The following DLGAP2 variants were observed in gnomAD, a reference collection of about 807,000 sequenced individuals.
The protein encoded by DLGAP2 is DLG associated protein 2, also known as disks large-associated protein 2.
A neutral mutation model predicts 100.3 loss-of-function variants in DLGAP2; 26 were observed. The ratio of observed to expected loss-of-function variants is 0.26; its 90% confidence interval spans 0.19 to 0.36. The LOEUF is 0.36. Ranked by LOEUF, DLGAP2 falls within the 10% of genes least tolerant of loss-of-function variation. The pLI, the probability that DLGAP2 is intolerant of heterozygous loss-of-function variation, is 1.00. For synonymous variants in DLGAP2, 886 were observed against 630.1 expected, an observed-to-expected ratio of 1.41 and a Z score of -6.08; for missense variants, 1,858 against 1,453.2, an observed-to-expected ratio of 1.28 and a Z score of -4.53.
At chr8:1,195,740 C>T (rs1323471559) in intron 2 of DLGAP2, among the ~76,000 whole-genome samples, 1 of 152,166 alleles carries the variant, frequency 6.6e-6, no homozygotes, top group East Asian at 1.9e-4. Flanking sequence ...ATTTTAGTTA[C>T]ACAGATAATC....
chr8:1,093,788 G>C (rs1563187835), intron 2 of DLGAP2, among the ~76,000 whole-genome samples: 1 of 152,250 alleles, frequency 6.6e-6, no homozygotes, highest in Non-Finnish European at 1.5e-5. Flanking sequence ...GTGAATACAC[G>C]ACATCAGCCA....
At chr8:1,107,529 G>C (rs57681233) in intron 2 of DLGAP2, among the ~76,000 whole-genome samples, 1 of 152,184 alleles carries the variant, frequency 6.6e-6, no homozygotes. Context: ...AGGGCCCCTC[G>C]CGTGGGAAGC....
At chr8:1,454,554 C>T (rs765461234) in intron 3 of DLGAP2, among the ~76,000 whole-genome samples, 3 of 152,130 alleles carry the variant, frequency 2.0e-5, no homozygotes, top group Non-Finnish European at 4.4e-5. Context: ...GGGTTGAAAT[C>T]GACCAATGTG....
intron 3 of DLGAP2, among the ~76,000 whole-genome samples, chr8:1,261,544 C>T (rs1799350137): frequency 7.8e-6 from 1 of 127,460 alleles, no homozygotes; most frequent in African/African-American, 3.1e-5. Context: ...GGGGGCTCTC[C>T]AGCCGAGGGT....
chr8:829,814 C>T (rs1796748694), intron 1 of DLGAP2, among the ~76,000 whole-genome samples: 1 of 152,148 alleles, frequency 6.6e-6, no homozygotes, highest in African/African-American at 2.4e-5. Context: ...ATTATAATAA[C>T]TGCAGTATAT....
intron 4 of DLGAP2, among the ~76,000 whole-genome samples, chr8:1,509,223 C>T (rs918366330): frequency 3.3e-5 from 5 of 151,368 alleles, no homozygotes; most frequent in Non-Finnish European, 7.4e-5. Context: ...CCCAGCTACT[C>T]GAGAGGCTGA....
At chr8:1,005,653 C>A (rs1009425991) in intron 2 of DLGAP2, among the ~76,000 whole-genome samples, 1 of 150,692 alleles carries the variant, frequency 6.6e-6, no homozygotes, top group Admixed American at 6.6e-5. Context: ...TTCCTAGGTT[C>A]AAGTGATTCT....
At chr8:1,573,528 G>T (rs73671228) in intron 6 of DLGAP2, among the ~76,000 whole-genome samples, 2 of 152,066 alleles carry the variant, frequency 1.3e-5, no homozygotes, top group African/African-American at 4.8e-5. Flanking sequence ...ACTGCCATCC[G>T]TGGGTTTCAC....
At chr8:1,479,432 G>T (rs1799028257) in intron 3 of DLGAP2, among the ~76,000 whole-genome samples, 1 of 152,168 alleles carries the variant, frequency 6.6e-6, no homozygotes, top group Non-Finnish European at 1.5e-5. Context: ...TACTGCCAAG[G>T]TGAGAAAACA....
At chr8:905,180 C>T (rs541530305) in intron 1 of DLGAP2, among the ~76,000 whole-genome samples, 10 of 152,138 alleles carry the variant, frequency 6.6e-5, no homozygotes, top group Non-Finnish European at 7.4e-5. Flanking sequence ...AGCTACCTGG[C>T]GGGTTCAAGG....
intron 2 of DLGAP2, chr8:1,018,908 G>T (rs1420404644): frequency 6.6e-6 from 1 of 152,116 alleles, no homozygotes; most frequent in Non-Finnish European, 1.5e-5. Flanking sequence ...GGCTGAAACG[G>T]CAGTTGCTCA....
chr8:1,290,439 T>C (rs2116969031), intron 3 of DLGAP2, among the ~76,000 whole-genome samples: 1 of 152,342 alleles, frequency 6.6e-6, no homozygotes, highest in East Asian at 1.9e-4. Flanking sequence ...TCCACGAGAC[T>C]GTTGACCAGA....
At position 1,161,936 on chromosome 8, in the gene DLGAP2, G is replaced by A. The variant is rs930085416; in HGVS notation, c.74-96915G>A. 6.6e-5 allele frequency among the ~76,000 whole-genome samples: 10 copies of A among 152,356 alleles called. No homozygotes were observed. The East Asian group carries it at 1.5e-3, about 24-fold the overall frequency. ...GGCTTTAGGTATAGAGAGGAGATCC[G>A]TGTGCCAAGTCAGGGGTGCGTCAGA... On this transcript the variant is annotated intron_variant, in intron 2 of 14. Coordinates refer to ENST00000637795, the MANE Select transcript of DLGAP2 (RefSeq NM_001346810.2).
At chr8:1,164,201 G>GT (rs1554494647) in intron 2 of DLGAP2, among the ~76,000 whole-genome samples, 2 of 22,868 alleles carry the variant, frequency 8.7e-5, no homozygotes, top group African/African-American at 2.4e-4. Context: ...TTTTCTGTGA[G>GT]CCCCCAGGGC....
intron 6 of DLGAP2, among the ~76,000 whole-genome samples, chr8:1,589,510 C>A (rs542831799): frequency 2.0e-5 from 3 of 152,138 alleles, no homozygotes; most frequent in Non-Finnish European, 1.5e-5. Context: ...GATCACAGCT[C>A]CCTGCAGCCT....
At chr8:1,050,005 T>C (rs1802630116) in intron 2 of DLGAP2, among the ~76,000 whole-genome samples, 1 of 152,160 alleles carries the variant, frequency 6.6e-6, no homozygotes, top group Admixed American at 6.5e-5. Flanking sequence ...GGCAGGCACA[T>C]GCATATGTAC....
chr8:1,200,569 C>A (rs989143184), intron 2 of DLGAP2, among the ~76,000 whole-genome samples: 3 of 152,296 alleles, frequency 2.0e-5, no homozygotes, highest in African/African-American at 7.2e-5. Context: ...CCGGAAAGAG[C>A]CTCCCGCCTG....
chr8:1,082,026 T>C (rs756587544), intron 2 of DLGAP2, among the ~76,000 whole-genome samples: 7 of 152,140 alleles, frequency 4.6e-5, no homozygotes, highest in Admixed American at 2.0e-4. Context: ...GTTCTGAAAA[T>C]GGCAGAGCCC....
intron 1 of DLGAP2, among the ~76,000 whole-genome samples, chr8:745,721 TA>T (rs1218012647): frequency 2.0e-5 from 3 of 152,190 alleles, no homozygotes; most frequent in African/African-American, 7.2e-5. Context: ...AGCAATGTTA[TA>T]AAAAATACAC....
Sources: gnomAD v4.1 joint callset for allele counts (sites outside exome capture counted in the v4.1 genomes callset) on GRCh38, gnomAD v4.1.1 for gene constraint, MANE v1.5 for transcripts, NCBI Gene and HGNC (gene_info 2026-07-23, HGNC 2026-07-21) for gene names.